The following SYT16 variants were observed in gnomAD, a reference collection of about 807,000 sequenced individuals.
SYT16 encodes the protein synaptotagmin 16.
In SYT16, 42 loss-of-function variants were observed where a neutral mutation model predicts 61.4. The ratio of observed to expected loss-of-function variants is 0.68; its 90% CI spans 0.53 to 0.89. The LOEUF (loss-of-function observed/expected upper bound fraction) is 0.89. Among genes scored for constraint, SYT16 ranks in the 40% least tolerant of loss-of-function variants. The probability of loss-of-function intolerance (pLI) is 0.00; values close to 1 mark genes in which losing one functional copy is unlikely to be tolerated. For synonymous variants in SYT16, 314 were observed against 302.3 expected, an observed-to-expected ratio of 1.04 and a Z score of -0.40; for missense variants, 804 against 807.3, an observed-to-expected ratio of 1.00 and a Z score of 0.05.
At chr14:62,013,226 T>G (rs897759285) in intron 3 of SYT16, among the ~76,000 whole-genome samples, 3 of 152,178 alleles carry the variant, frequency 2.0e-5, no homozygotes, top group African/African-American at 7.2e-5. Context: ...GCTTGTTCAG[T>G]GTCACTATAT....
chr14:61,929,998 T>A (rs957526829), intron 1 of SYT16, among the ~76,000 whole-genome samples: 3 of 152,194 alleles, frequency 2.0e-5, no homozygotes, highest in Non-Finnish European at 2.9e-5. Flanking sequence ...CTTTTCCCTA[T>A]GGCTTTAATT....
chr14:61,995,807 G>T, intron 2 of SYT16, 69 bp from the exon 3 acceptor site: 1 of 432,974 alleles, frequency 2.3e-6, no homozygotes, highest in Non-Finnish European at 4.0e-6. Context: ...GACATCGTCT[G>T]TAGGTATCTG....
intron 1 of SYT16, among the ~76,000 whole-genome samples, chr14:61,919,317 T>G (rs976645930): frequency 1.3e-5 from 2 of 152,218 alleles, no homozygotes; most frequent in African/African-American, 4.8e-5. Flanking sequence ...CTTAAGGACA[T>G]TGTGCTAATT....
At chr14:62,067,110 GTGTGTGTGTGTA>G (rs999854559) in intron 3 of SYT16, among the ~76,000 whole-genome samples, 1 of 137,062 alleles carries the variant, frequency 7.3e-6, no homozygotes, top group African/African-American at 2.5e-5. Context: ...GTGCATGTGT[GTGTGTGTGTGTA>G]TGTGTGTGTG....
intron 3 of SYT16, among the ~76,000 whole-genome samples, chr14:62,025,688 T>C (rs2054076628): frequency 1.3e-5 from 2 of 152,246 alleles, no homozygotes; most frequent in South Asian, 4.1e-4. Flanking sequence ...TTTTATGTTA[T>C]CCAGCCCCAA....
At chr14:62,067,588 A>G (rs1388503835) in intron 3 of SYT16, among the ~76,000 whole-genome samples, 1 of 152,244 alleles carries the variant, frequency 6.6e-6, no homozygotes, top group Non-Finnish European at 1.5e-5. Flanking sequence ...GCTATTATCA[A>G]AAACACAAAA....
intron 3 of SYT16, among the ~76,000 whole-genome samples, chr14:62,037,053 G>C (rs2054537593): frequency 6.6e-6 from 1 of 152,116 alleles, no homozygotes; most frequent in South Asian, 2.1e-4. Context: ...GGCAAAAGAG[G>C]ACTGAAAAGC....
At chr14:61,994,240 G>T (rs919995298) in intron 2 of SYT16, among the ~76,000 whole-genome samples, 3 of 152,200 alleles carry the variant, frequency 2.0e-5, no homozygotes, top group African/African-American at 4.8e-5. Context: ...TTGTAGCAAA[G>T]TGATACACTA....
intron 1 of SYT16, among the ~76,000 whole-genome samples, chr14:61,951,587 A>AT (rs1299389766): frequency 2.0e-5 from 3 of 151,884 alleles, no homozygotes; most frequent in African/African-American, 4.8e-5. Flanking sequence ...TTCTTCCAAG[A>AT]TTTTTTTTAT....
In SYT16 at chr14:61,970,935, G is replaced by GT. The variant is rs33917095; in HGVS notation, c.-145+637dup. 3.8e-3 allele frequency among the ~76,000 whole-genome samples: 563 copies of GT among 148,108 alleles called. 3 individuals carry two copies. Among genetic ancestry groups the GT allele is most frequent in the Non-Finnish European group, 6.1e-3 (409 of 66,800 alleles). Reference sequence around the variant, plus strand: ...TTATCTTACAGACGATAACTTTGCTGTTTTTTTTTTTTTATCAGTCTGATT... The same window carrying GT: ...TTATCTTACAGACGATAACTTTGCTGTTTTTTTTTTTTTTATCAGTCTGATT... On this transcript the variant is annotated intron_variant, in intron 2 of 7. Coordinates refer to ENST00000683842, the MANE Select transcript of SYT16 (RefSeq NM_001367656.1).
chr14:61,818,453 G>A (rs942624115), intron 1 of SYT16, among the ~76,000 whole-genome samples: 7 of 152,248 alleles, frequency 4.6e-5, no homozygotes, highest in African/African-American at 1.4e-4. Context: ...GCCGAGGCGG[G>A]TGGATCATGA....
At chr14:61,831,861 T>C (rs957452336) in intron 1 of SYT16, 5 of 442,310 alleles carry the variant, frequency 1.1e-5, no homozygotes, top group Admixed American at 3.1e-5. Flanking sequence ...ACAGCATCTC[T>C]CACTTCTTCC....
chr14:61,976,412 C>T (rs950823764), intron 2 of SYT16, among the ~76,000 whole-genome samples: 1 of 152,218 alleles, frequency 6.6e-6, no homozygotes, highest in African/African-American at 2.4e-5. Flanking sequence ...ATTTCCCTTT[C>T]TCACTTCTGT....
At chr14:62,024,256 A>G (rs1253515486) in intron 3 of SYT16, among the ~76,000 whole-genome samples, 2 of 152,102 alleles carry the variant, frequency 1.3e-5, no homozygotes, top group African/African-American at 2.4e-5. Flanking sequence ...TTCAAACTTG[A>G]TAAGTGAAAA....
At chr14:61,951,582 C>T (rs1427254349) in intron 1 of SYT16, among the ~76,000 whole-genome samples, 1 of 152,046 alleles carries the variant, frequency 6.6e-6, no homozygotes, top group Admixed American at 6.6e-5. Flanking sequence ...TGTCTTTCTT[C>T]CAAGATTTTT....
intron 1 of SYT16, among the ~76,000 whole-genome samples, chr14:61,951,914 C>CGAAT (rs1345381984): frequency 6.6e-6 from 1 of 152,046 alleles, no homozygotes; most frequent in African/African-American, 2.4e-5. Flanking sequence ...CTCTGCCTCC[C>CGAAT]GAATAGCTGG....
At chr14:61,900,819 A>G (rs781457287) in intron 1 of SYT16, among the ~76,000 whole-genome samples, 2 of 152,198 alleles carry the variant, frequency 1.3e-5, no homozygotes. Context: ...CCACCTGATC[A>G]GGGGAAGGCA....
rs66588591 is a variant in SYT16 at position 62,075,620 on chromosome 14, GA to G, written c.993+236del. On this transcript the variant is annotated intron_variant, in intron 5 of 7. Coordinates refer to ENST00000683842, the MANE Select transcript of SYT16 (RefSeq NM_001367656.1). ...GATGAACGGTAAAAAAAAAAAAAAA[GA>G]AAAAAAGAAAAAAAAATAAGAATGG... Among the ~76,000 whole-genome samples, 8 of 91,840 alleles carry G rather than the reference GA, an allele frequency of 8.7e-5. No homozygotes were observed. The South Asian group carries it at 2.5e-3, about 28-fold the overall frequency. The allele number at this position is 91,840 out of a possible 152,430, so 60.3% of individuals were successfully genotyped here.
At chr14:61,818,588 G>T (rs1394694612) in intron 1 of SYT16, among the ~76,000 whole-genome samples, 1 of 150,208 alleles carries the variant, frequency 6.7e-6, no homozygotes, top group Non-Finnish European at 1.5e-5. Flanking sequence ...TGAGGCAGGA[G>T]AATCGCTTGA....
Sources: allele counts gnomAD v4.1 joint callset (sites outside exome capture counted in the v4.1 genomes callset), GRCh38; gene constraint gnomAD v4.1.1; transcripts MANE v1.5; gene names NCBI Gene and HGNC (gene_info 2026-07-23, HGNC 2026-07-21).